CLASP1: variants seen among roughly 807,000 people sequenced by gnomAD.
CLASP1 encodes the protein cytoplasmic linker associated protein 1.
CLASP1 carries 38 observed loss-of-function variants against 192.3 expected under a neutral mutation model. That is an observed-to-expected ratio of 0.20 (90% CI 0.15 to 0.26). The LOEUF (loss-of-function observed/expected upper bound fraction) is 0.26, where lower values mean the gene tolerates loss of function less well. Ranked by LOEUF, CLASP1 falls within the 10% of genes least tolerant of loss-of-function variation. The probability of loss-of-function intolerance (pLI) is 1.00; values close to 1 mark genes in which losing one functional copy is unlikely to be tolerated. For missense variants in CLASP1, 1,433 were observed against 1,932.5 expected, an observed-to-expected ratio of 0.74 and a Z score of 4.85; for synonymous variants, 691 against 712.8, an observed-to-expected ratio of 0.97 and a Z score of 0.49.
chr2:121,425,818 T>A (rs747727281), intron 21 of CLASP1, among the ~76,000 whole-genome samples: 4 of 152,168 alleles, frequency 2.6e-5, no homozygotes, highest in Non-Finnish European at 5.9e-5. Context: ...TTAATCATAA[T>A]AAATGTGGCT....
At chr2:121,483,172 C>A (rs940318020) in intron 8 of CLASP1, among the ~76,000 whole-genome samples, 1 of 152,134 alleles carries the variant, frequency 6.6e-6, no homozygotes, top group Non-Finnish European at 1.5e-5. Context: ...TGCCCCTCTT[C>A]CCCCTCCCCG....
At chr2:121,563,502 C>T (rs373067305) in intron 2 of CLASP1, among the ~76,000 whole-genome samples, 11 of 152,162 alleles carry the variant, frequency 7.2e-5, no homozygotes, top group East Asian at 3.9e-4. Flanking sequence ...ATTAACATGC[C>T]GACACACTTA....
intron 2 of CLASP1, among the ~76,000 whole-genome samples, chr2:121,574,963 C>T (rs2105466327): frequency 6.6e-6 from 1 of 151,882 alleles, no homozygotes; most frequent in Admixed American, 6.6e-5. Context: ...AAAGAAACCA[C>T]TGAGAGATTT....
chr2:121,579,435 T>C (rs1425181236), intron 2 of CLASP1, among the ~76,000 whole-genome samples: 1 of 152,212 alleles, frequency 6.6e-6, no homozygotes, highest in East Asian at 1.9e-4. Flanking sequence ...TTCTAAAATA[T>C]CTTCATCATC....
intron 19 of CLASP1, among the ~76,000 whole-genome samples, chr2:121,445,980 CAG>C (rs2084256832): frequency 6.6e-6 from 1 of 152,136 alleles, no homozygotes; most frequent in Non-Finnish European, 1.5e-5. Context: ...CTAAAATTAA[CAG>C]AACTAATTCA....
intron 39 of CLASP1, among the ~76,000 whole-genome samples, chr2:121,344,159 C>T (rs1234883402): frequency 1.3e-5 from 2 of 151,926 alleles, no homozygotes; most frequent in African/African-American, 4.8e-5. Flanking sequence ...TGTTCAAGGT[C>T]ATAAAACTCG....
chr2:121,492,431 C>T (rs1240191792), intron 8 of CLASP1, among the ~76,000 whole-genome samples: 1 of 129,960 alleles, frequency 7.7e-6, no homozygotes, highest in African/African-American at 2.8e-5. Flanking sequence ...AGATAAGCCA[C>T]AGAATGAAAA....
chr2:121,491,319 T>C (rs931939181), intron 8 of CLASP1, among the ~76,000 whole-genome samples: 1 of 152,260 alleles, frequency 6.6e-6, no homozygotes, highest in African/African-American at 2.4e-5. Flanking sequence ...AGAATTATCA[T>C]GGATTTAACC....
At chr2:121,541,607 C>T (rs1559564024) in intron 2 of CLASP1, among the ~76,000 whole-genome samples, 1 of 152,110 alleles carries the variant, frequency 6.6e-6, no homozygotes, top group Non-Finnish European at 1.5e-5. Context: ...CTGCCAATAT[C>T]GGATAACTTC....
intron 2 of CLASP1, among the ~76,000 whole-genome samples, chr2:121,563,583 C>G (rs937083099): frequency 6.6e-6 from 1 of 152,106 alleles, no homozygotes; most frequent in Non-Finnish European, 1.5e-5. Context: ...ATATGGAAAT[C>G]AAAAATAAAT....
At chr2:121,486,476 C>T (rs1324608864) in intron 8 of CLASP1, among the ~76,000 whole-genome samples, 1 of 152,056 alleles carries the variant, frequency 6.6e-6, no homozygotes, top group Non-Finnish European at 1.5e-5. Flanking sequence ...TCATTTCTCC[C>T]TTTGATCACA....
In CLASP1 at chr2:121,531,415, G is replaced by C. The variant is rs2094871282; in HGVS notation, c.196-1090C>G. On this transcript the variant is annotated intron_variant, in intron 2 of 39. Transcript: ENST00000263710. ...TCGAGACCATCCTGGCTAACACAGT[G>C]AAACTCCGTCTCTCCTAAAAATACA... Among the ~76,000 whole-genome samples, 2 of 151,834 alleles carry C rather than the reference G, an allele frequency of 1.3e-5. 1 individual carries two copies. The highest frequency in any genetic ancestry group is 4.1e-4 in the South Asian group (2 of 4,820).
chr2:121,474,101 TTC>T (rs1286093121), intron 8 of CLASP1, among the ~76,000 whole-genome samples: 1 of 152,222 alleles, frequency 6.6e-6, no homozygotes, highest in Non-Finnish European at 1.5e-5. Context: ...ACATTATCAT[TTC>T]TATAAAAGAT....
At chr2:121,531,176 C>T (rs1397645242) in intron 2 of CLASP1, among the ~76,000 whole-genome samples, 2 of 152,078 alleles carry the variant, frequency 1.3e-5, no homozygotes, top group African/African-American at 2.4e-5. Flanking sequence ...TTCAACAGAA[C>T]TTCACCCCTT....
intron 23 of CLASP1, among the ~76,000 whole-genome samples, chr2:121,414,683 A>G (rs1030810218): frequency 6.6e-6 from 1 of 152,254 alleles, no homozygotes; most frequent in African/African-American, 2.4e-5. Context: ...TGTTACTTCA[A>G]CGGAAATAAA....
At chr2:121,513,463 G>A (rs1014521146) in intron 7 of CLASP1, among the ~76,000 whole-genome samples, 6 of 151,932 alleles carry the variant, frequency 3.9e-5, no homozygotes, top group Non-Finnish European at 5.9e-5. Context: ...GAAGGAGGGG[G>A]TCATGTGAAG....
At chr2:121,416,707 G>C (rs912409322) in intron 23 of CLASP1, among the ~76,000 whole-genome samples, 5 of 152,144 alleles carry the variant, frequency 3.3e-5, no homozygotes, top group African/African-American at 1.2e-4. Context: ...TCGAGAAACA[G>C]ATGAAAGACA....
At chr2:121,503,597 C>CTT (rs541295367) in intron 7 of CLASP1, among the ~76,000 whole-genome samples, 209 of 152,296 alleles carry the variant, frequency 1.4e-3, no homozygotes, top group Non-Finnish European at 2.4e-3. Context: ...TGTGTTTCTC[C>CTT]TCTTTCTTTC....
At chr2:121,508,665 A>T (rs894821817) in intron 7 of CLASP1, among the ~76,000 whole-genome samples, 1 of 152,194 alleles carries the variant, frequency 6.6e-6, no homozygotes, top group Non-Finnish European at 1.5e-5. Context: ...CCAAGGCTGA[A>T]CTAGAGCTTA....
Sources: allele counts gnomAD v4.1 joint callset (sites outside exome capture counted in the v4.1 genomes callset), GRCh38; gene constraint gnomAD v4.1.1; transcripts MANE v1.5; gene names NCBI Gene and HGNC (gene_info 2026-07-23, HGNC 2026-07-21).